BACH2: variants seen among roughly 807,000 people sequenced by gnomAD.
The protein encoded by BACH2 is transcription regulator protein BACH2.
In BACH2, 5 loss-of-function variants were observed where a neutral mutation model predicts 61.8. That is an observed-to-expected ratio of 0.08 (90% confidence interval 0.04 to 0.17). The LOEUF (loss-of-function observed/expected upper bound fraction) is 0.17. BACH2 is among the 10% of genes least tolerant of loss of function. BACH2 has a pLI of 1.00. For missense variants in BACH2, 824 were observed against 1,091.1 expected (o/e 0.76, Z 3.45); for synonymous variants, 446 against 440.1 (o/e 1.01, Z -0.17).
chr6:90,068,540 G>A (rs1781070905), intron 5 of BACH2, among the ~76,000 whole-genome samples: 2 of 152,126 alleles, frequency 1.3e-5, no homozygotes, highest in Admixed American at 1.3e-4. Context: ...TGAGTCATAA[G>A]CTGACCCAAG....
intron 5 of BACH2, among the ~76,000 whole-genome samples, chr6:90,059,491 A>C (rs1188778852): frequency 1.3e-5 from 2 of 152,136 alleles, no homozygotes; most frequent in Non-Finnish European, 2.9e-5. Context: ...GCTGGAGAGG[A>C]TGTGGAGAAA....
chr6:90,065,638 A>T (rs1247984784), intron 5 of BACH2, among the ~76,000 whole-genome samples: 1 of 152,192 alleles, frequency 6.6e-6, no homozygotes, highest in Admixed American at 6.5e-5. Flanking sequence ...ATTCAGCCCC[A>T]GTCGAGCCAG....
intron 1 of BACH2, among the ~76,000 whole-genome samples, chr6:90,296,159 C>T (rs1401763464): frequency 2.0e-5 from 3 of 152,118 alleles, no homozygotes; most frequent in South Asian, 2.1e-4. Context: ...CTCTCTGCTC[C>T]TCCTCCCTCT....
chr6:90,021,075 C>T (rs1778346567), intron 5 of BACH2, among the ~76,000 whole-genome samples: 1 of 152,056 alleles, frequency 6.6e-6, no homozygotes, highest in South Asian at 2.1e-4. Flanking sequence ...CCAATCATCT[C>T]ATCATATGGT....
intron 5 of BACH2, among the ~76,000 whole-genome samples, chr6:90,010,787 T>G (rs4053615): frequency 6.6e-6 from 1 of 152,110 alleles, no homozygotes; most frequent in African/African-American, 2.4e-5. Flanking sequence ...GACATTGTAA[T>G]AGGTCTATCA....
intron 4 of BACH2, among the ~76,000 whole-genome samples, chr6:90,194,730 G>A (rs902604325): frequency 6.6e-6 from 1 of 152,214 alleles, no homozygotes; most frequent in African/African-American, 2.4e-5. Context: ...GCCTGAGGAT[G>A]ACACTGAACA....
Position 90,033,876 on chromosome 6 carries a change from T to C in BACH2, c.-12-25020A>G, listed in dbSNP as rs187662975. ...TGCTTGGATTCAGAGCTTTTACTGG[T>C]TACCTAGGTTGCAAATGATACCAAA... is the stretch of plus-strand genomic sequence containing the variant. On this transcript the variant is annotated intron_variant, in intron 5 of 8. Transcript: ENST00000257749. Among the ~76,000 whole-genome samples, 13 of 152,262 alleles carry C rather than the reference T, an allele frequency of 8.5e-5. 1 individual carries two copies. The highest frequency in any genetic ancestry group is 5.9e-4 in the Admixed American group (9 of 15,278).
At chr6:90,288,851 AAAAAAAC>A (rs988091130) in intron 1 of BACH2, among the ~76,000 whole-genome samples, 24 of 152,178 alleles carry the variant, frequency 1.6e-4, no homozygotes, top group Admixed American at 3.3e-4. Context: ...CCTACCCACC[AAAAAAAC>A]AAAAAACAAA....
chr6:90,034,479 T>C (rs1263084448), intron 5 of BACH2, among the ~76,000 whole-genome samples: 1 of 152,150 alleles, frequency 6.6e-6, no homozygotes, highest in Non-Finnish European at 1.5e-5. Flanking sequence ...TTTTGGCCAA[T>C]TAATTATCAA....
chr6:90,217,296 G>A (rs552823597), intron 3 of BACH2, among the ~76,000 whole-genome samples: 13 of 152,184 alleles, frequency 8.5e-5, no homozygotes, highest in African/African-American at 3.1e-4. Context: ...AAGTTCTATG[G>A]TCACTAAAAC....
intron 3 of BACH2, among the ~76,000 whole-genome samples, chr6:90,251,555 T>C (rs1014542783): frequency 1.0e-5 from 1 of 97,500 alleles, no homozygotes; most frequent in Admixed American, 1.1e-4. Flanking sequence ...AACACTCTTT[T>C]GCTAGTCATA....
chr6:90,138,487 A>G (rs1024079058), intron 4 of BACH2, among the ~76,000 whole-genome samples: 2 of 152,172 alleles, frequency 1.3e-5, no homozygotes, highest in African/African-American at 4.8e-5. Context: ...TGACAGAGTG[A>G]GATCCATCTC....
At chr6:90,295,851 T>G (rs1772344546) in intron 1 of BACH2, among the ~76,000 whole-genome samples, 1 of 152,256 alleles carries the variant, frequency 6.6e-6, no homozygotes. Flanking sequence ...AGCTCGCCTC[T>G]TCCTGCGACC....
intron 4 of BACH2, among the ~76,000 whole-genome samples, chr6:90,098,644 G>A (rs1286324708): frequency 3.3e-5 from 5 of 152,142 alleles, no homozygotes; most frequent in Non-Finnish European, 7.3e-5. Flanking sequence ...CTTTGAAGAC[G>A]ATGTAGGCCC....
intron 5 of BACH2, among the ~76,000 whole-genome samples, chr6:90,081,582 C>A (rs1467950363): frequency 6.6e-6 from 1 of 152,162 alleles, no homozygotes; most frequent in Non-Finnish European, 1.5e-5. Flanking sequence ...CTATTACATA[C>A]AAGGACACAG....
chr6:90,076,700 T>C (rs1781485133), intron 5 of BACH2, among the ~76,000 whole-genome samples: 1 of 152,128 alleles, frequency 6.6e-6, no homozygotes, highest in African/African-American at 2.4e-5. Context: ...TTGGTGACAG[T>C]ATCATTTATA....
At chr6:90,061,784 C>T (rs75956120) in intron 5 of BACH2, among the ~76,000 whole-genome samples, 12,257 of 152,124 alleles carry the variant, frequency 0.081, 879 homozygotes, top group East Asian at 0.37. Flanking sequence ...ATTGACTGTG[C>T]TGGAAGCTAT....
At chr6:90,238,360 T>G (rs1008211561) in intron 3 of BACH2, among the ~76,000 whole-genome samples, 1 of 152,244 alleles carries the variant, frequency 6.6e-6, no homozygotes, top group African/African-American at 2.4e-5. Flanking sequence ...TTAGATTTCA[T>G]TTTTGGAGTT....
intron 5 of BACH2, among the ~76,000 whole-genome samples, chr6:90,017,997 G>A (rs903755711): frequency 2.0e-5 from 3 of 152,154 alleles, no homozygotes; most frequent in Non-Finnish European, 4.4e-5. Flanking sequence ...TTGCTTTTGA[G>A]ATTTGTTAGA....
Sources: gnomAD v4.1 joint callset for allele counts (sites outside exome capture counted in the v4.1 genomes callset) on GRCh38, gnomAD v4.1.1 for gene constraint, MANE v1.5 for transcripts, NCBI Gene and HGNC (gene_info 2026-07-23, HGNC 2026-07-21) for gene names.